MIAT: variants seen among roughly 807,000 people sequenced by gnomAD.
MIAT encodes MI related novel mRNA.
At chr22:26,667,867 CATT>C (rs747969589) in intron 5 of MIAT, 83 of 231,552 alleles carry the variant, frequency 3.6e-4, no homozygotes, top group Admixed American at 2.5e-3. Flanking sequence ...GACAGAGTCT[CATT>C]ATGTTGCCCA....
chr22:26,654,621 G>A (rs1173874002), intron 2 of MIAT, among the ~76,000 whole-genome samples: 4 of 152,204 alleles, frequency 2.6e-5, no homozygotes, highest in African/African-American at 9.7e-5. Context: ...GAACCTAAGA[G>A]TTCAAGGCTG....
At chr22:26,660,735 G>A (rs1170728708) in intron 2 of MIAT, 1 of 152,046 alleles carries the variant, frequency 6.6e-6, no homozygotes, top group Non-Finnish European at 1.5e-5. Flanking sequence ...TTCTTCCCAG[G>A]GCAGGATTAC....
At chr22:26,667,347 T>C (rs1930882925) in intron 5 of MIAT, 2 of 397,270 alleles carry the variant, frequency 5.0e-6, no homozygotes, top group Non-Finnish European at 8.9e-6. Context: ...TGTGTGTGTG[T>C]GTGTGTGCGT....
At chr22:26,668,530 GCCGGTGA>G in exon 6 of MIAT, 1 of 399,144 alleles carries the variant, frequency 2.5e-6, no homozygotes, top group African/African-American at 2.1e-5. Flanking sequence ...TCGCGTTTCT[GCCGGTGA>G]CCAGACAGAG....
chr22:26,646,773 G>A (rs764465454), exon 1 of MIAT: 8 of 398,550 alleles, frequency 2.0e-5, no homozygotes, highest in Non-Finnish European at 3.5e-5. Flanking sequence ...CTGTCTTAGT[G>A]CTTTCCCCAA....
intron 2 of MIAT, among the ~76,000 whole-genome samples, chr22:26,662,451 T>C (rs1384921545): frequency 6.6e-6 from 1 of 152,242 alleles, no homozygotes; most frequent in Non-Finnish European, 1.5e-5. Context: ...AGTTTAGCTT[T>C]CTTTTCCTTC....
exon 6 of MIAT, chr22:26,669,563 C>T (rs1281918870): frequency 5.0e-6 from 2 of 398,540 alleles, no homozygotes; most frequent in African/African-American, 2.1e-5. Flanking sequence ...CTTAAAGGTC[C>T]CATCTCCAAA....
At chr22:26,649,410 A>C (rs1930297174) in intron 2 of MIAT, among the ~76,000 whole-genome samples, 1 of 152,216 alleles carries the variant, frequency 6.6e-6, no homozygotes, top group African/African-American at 2.4e-5. Context: ...CCTCCCCACT[A>C]TTCCTGCAGA....
intron 5 of MIAT, chr22:26,667,445 T>C (rs1930894551): frequency 2.5e-6 from 1 of 394,536 alleles, no homozygotes; most frequent in Non-Finnish European, 4.5e-6. Flanking sequence ...TGTGTGTGTA[T>C]GTTGGGGGTG....
chr22:26,646,916 C>A, exon 1 of MIAT: 1 of 398,588 alleles, frequency 2.5e-6, no homozygotes, highest in South Asian at 1.3e-4. Flanking sequence ...AACAGATGTT[C>A]AGAGCAAGAG....
chr22:26,667,411 CGTGTAT>C (rs999178762), intron 5 of MIAT: 43 of 368,888 alleles, frequency 1.2e-4, no homozygotes, highest in South Asian at 6.8e-4. Context: ...TGTGTGTGCG[CGTGTAT>C]GTGTGTGTAT....
At chr22:26,673,216 C>T (rs894875390), downstream of MIAT, 5 of 398,708 alleles carry the variant, frequency 1.3e-5, no homozygotes, top group African/African-American at 8.2e-5. Context: ...CTCTGGCTCT[C>T]TGTTCCCACG....
downstream of MIAT, chr22:26,672,081 C>T (rs934190132): frequency 5.0e-6 from 2 of 399,442 alleles, no homozygotes; most frequent in South Asian, 2.5e-4. Flanking sequence ...CCCGATCATC[C>T]CTTAACAAAC....
chr22:26,667,431 CGCGT>C (rs1569222760), intron 5 of MIAT: 28 of 392,840 alleles, frequency 7.1e-5, no homozygotes, highest in African/African-American at 1.9e-4. Context: ...TGTGTATGCG[CGCGT>C]GTGTGTGTAT....
At chr22:26,668,583 C>T (rs1930935704) in exon 6 of MIAT, 1 of 398,962 alleles carries the variant, frequency 2.5e-6, no homozygotes, top group Admixed American at 4.4e-5. Flanking sequence ...ACCACACTTT[C>T]CCCAAGGCTG....
chr22:26,673,709 G>A, downstream of MIAT: 3 of 398,318 alleles, frequency 7.5e-6, no homozygotes, highest in Non-Finnish European at 8.8e-6. Flanking sequence ...ACTAACACAG[G>A]GAAAAGCATA....
chr22:26,652,732 C>T (rs1930358297), intron 2 of MIAT, among the ~76,000 whole-genome samples: 1 of 152,174 alleles, frequency 6.6e-6, no homozygotes, highest in East Asian at 1.9e-4. Flanking sequence ...TCCAGAGCCA[C>T]TCTTGTTTCT....
At chr22:26,656,784 C>T (rs1930470188) in intron 2 of MIAT, among the ~76,000 whole-genome samples, 1 of 152,034 alleles carries the variant, frequency 6.6e-6, no homozygotes, top group Non-Finnish European at 1.5e-5. Flanking sequence ...GCCTGTAGTC[C>T]CAGCTACTCC....
intron 2 of MIAT, among the ~76,000 whole-genome samples, chr22:26,660,232 GA>G (rs1930615509): frequency 6.6e-6 from 1 of 150,590 alleles, no homozygotes; most frequent in Non-Finnish European, 1.5e-5. Flanking sequence ...AGCACTTTGG[GA>G]AGCTGAGGTG....
Sources: gnomAD v4.1 joint callset for allele counts (sites outside exome capture counted in the v4.1 genomes callset) on GRCh38, gnomAD v4.1.1 for gene constraint, MANE v1.5 for transcripts, NCBI Gene and HGNC (gene_info 2026-07-23, HGNC 2026-07-21) for gene names.